The following RFC1 variants were observed in gnomAD, a reference collection of about 807,000 sequenced individuals.
RFC1 encodes replication factor C subunit 1.
Under a neutral mutation model 137.4 loss-of-function variants are expected in RFC1, and 37 were observed. The observed-to-expected ratio is 0.27, with a 90% CI of 0.21 to 0.35. The LOEUF (loss-of-function observed/expected upper bound fraction) is 0.35, where lower values mean the gene tolerates loss of function less well. RFC1 is among the 10% of genes least tolerant of loss of function. RFC1 has a pLI of 1.00. For missense variants in RFC1, 1,205 were observed against 1,358.5 expected (o/e 0.89, Z 1.78); for synonymous variants, 429 against 455.7 (o/e 0.94, Z 0.75).
chr4:39,350,021 C>A (rs1250176509), intron 2 of RFC1, among the ~76,000 whole-genome samples: 1 of 152,020 alleles, frequency 6.6e-6, no homozygotes, highest in African/African-American at 2.4e-5. Context: ...AAAACTAAAG[C>A]AGCTACTATA....
intron 1 of RFC1, among the ~76,000 whole-genome samples, chr4:39,356,907 C>T (rs913785670): frequency 2.6e-5 from 4 of 152,146 alleles, no homozygotes; most frequent in Non-Finnish European, 5.9e-5. Flanking sequence ...GTCTGAAAAA[C>T]TTTTGAACAG....
At chr4:39,294,731 G>A (rs186200517) in intron 22 of RFC1, among the ~76,000 whole-genome samples, 28 of 151,634 alleles carry the variant, frequency 1.8e-4, no homozygotes, top group Non-Finnish European at 3.4e-4. Flanking sequence ...GGCCAGGCAT[G>A]GCGGCTCACG....
In RFC1 at chr4:39,327,604, G is replaced by A. The variant is rs1344726050; in HGVS notation, c.484C>T (p.Pro162Ser). 1.2e-6 allele frequency: 2 copies of A among 1,613,612 alleles called. No homozygotes were observed. Among genetic ancestry groups the A allele is most frequent in the Admixed American group, 1.7e-5 (1 of 60,010 alleles). Residue 162 changes from proline to serine, a missense_variant, in exon 5 of 25, where the codon CCC becomes TCC. Pro to Ser is a moderately conservative substitution (Grantham distance 74). Transcript: ENST00000349703. Reference sequence around the variant, plus strand: ...CCAAAATAATCAAGTACTGATGTGGGTGTAAGTTTTATTGGTGATAAAGGC... The same window carrying A: ...CCAAAATAATCAAGTACTGATGTGGATGTAAGTTTTATTGGTGATAAAGGC... ...NKPLSPIKLT[P>S]TSVLDYFGTG...
chr4:39,303,193 A>G (rs766107816), intron 15 of RFC1, 42 bp from the exon 16 acceptor site: 12 of 1,340,512 alleles, frequency 9.0e-6, no homozygotes, highest in Non-Finnish European at 1.2e-5. Context: ...CAAAAACAAA[A>G]TAACAATTGC....
chr4:39,334,911 T>C (rs1406073609), intron 4 of RFC1, among the ~76,000 whole-genome samples: 4 of 152,226 alleles, frequency 2.6e-5, no homozygotes, highest in African/African-American at 7.2e-5. Flanking sequence ...CTGTGTTAGA[T>C]ACATTCATTT....
intron 22 of RFC1, among the ~76,000 whole-genome samples, chr4:39,293,935 T>A (rs915466445): frequency 1.3e-5 from 2 of 152,188 alleles, no homozygotes; most frequent in African/African-American, 4.8e-5. Flanking sequence ...CACCTGCATG[T>A]CTTGGCTGAT....
rs1560619877 is a variant in RFC1, at chr4:39,348,432, A to AGG, written c.132+2915_132+2916insCC. ...AGCAAGACTCTGTTTCAAAAAAGAA[A>AGG]AGAAAAGAAAAGAAAAGAAAAGAAA... is the stretch of plus-strand genomic sequence containing the variant. On this transcript the variant is annotated intron_variant, in intron 2 of 24. Coordinates refer to ENST00000349703, the MANE Select transcript of RFC1 (RefSeq NM_002913.5). Among the ~76,000 whole-genome samples, 5 of 85,734 alleles carry AGG rather than the reference A, an allele frequency of 5.8e-5. No individual in the cohort carries two copies. The East Asian group carries it at 1.6e-3, about 28-fold the overall frequency. The allele number at this position is 85,734 out of a possible 152,430, so 56.2% of individuals were successfully genotyped here.
At chr4:39,335,611 C>T (rs1274527601) in intron 4 of RFC1, among the ~76,000 whole-genome samples, 1 of 152,066 alleles carries the variant, frequency 6.6e-6, no homozygotes, top group African/African-American at 2.4e-5. Context: ...GTACCGAGTC[C>T]ACTGGAATGC....
intron 24 of RFC1, chr4:39,289,524 A>G (rs976005099): frequency 2.2e-5 from 5 of 231,264 alleles, no homozygotes; most frequent in Non-Finnish European, 3.4e-5. Context: ...GCAAAACATA[A>G]GCAACAGAAG....
At chr4:39,359,619 G>A (rs559504845) in intron 1 of RFC1, among the ~76,000 whole-genome samples, 292 of 152,070 alleles carry the variant, frequency 1.9e-3, no homozygotes, top group Non-Finnish European at 3.0e-3. Context: ...TCAGGAGATC[G>A]AGACCATCAT....
chr4:39,325,826 C>A (rs1161935337), intron 6 of RFC1, among the ~76,000 whole-genome samples: 2 of 152,218 alleles, frequency 1.3e-5, no homozygotes, highest in African/African-American at 4.8e-5. Flanking sequence ...ATTCAGTCTG[C>A]AAACTGATCT....
In RFC1 at chr4:39,351,066, C is replaced by T. The variant is rs4974936; in HGVS notation, c.132+282G>A. On this transcript the variant is annotated intron_variant, in intron 2 of 24. Transcript: ENST00000349703. ...GAGATCGAGACCATCCTGGCTAACA[C>T]GGTGAAACCCCGTCTCTACTAAAAA... Among the ~76,000 whole-genome samples, 148,200 of 151,852 alleles carry T rather than the reference C, an allele frequency of 0.98. 72,411 individuals are homozygous for T. Among genetic ancestry groups the T allele is most frequent in the East Asian group, 1 (5,164 of 5,166 alleles).
intron 21 of RFC1, among the ~76,000 whole-genome samples, chr4:39,299,711 A>G (rs73238566): frequency 4.3e-4 from 65 of 152,104 alleles, no homozygotes; most frequent in Non-Finnish European, 8.2e-4. Context: ...GTAACAGACT[A>G]TATTTTTGCC....
rs763031043 is a variant in RFC1, at chr4:39,320,364, A to C, written c.1095+19T>G. The C allele has an allele frequency of 7.4e-6, 11 of 1,484,010 alleles. No homozygotes were observed. Among genetic ancestry groups the C allele is most frequent in the African/African-American group, 2.9e-5 (2 of 69,096 alleles). 91.9% of individuals were successfully genotyped at this position (1,484,010 alleles called of 1,614,324 possible). On this transcript the variant is annotated intron_variant, in intron 9 of 24. Transcript: ENST00000349703. ...AACTCCATCTCAAAAAAAAAAAAAA[A>C]AAAAAACAAAGTTCTTACCTCTTTT...
chr4:39,294,938 G>A (rs1203808402), intron 22 of RFC1, among the ~76,000 whole-genome samples: 1 of 152,210 alleles, frequency 6.6e-6, no homozygotes, highest in African/African-American at 2.4e-5. Flanking sequence ...CGGAGGTGGA[G>A]GATGCAGTGA....
chr4:39,296,256 T>C (rs1425713994), intron 21 of RFC1, among the ~76,000 whole-genome samples: 1 of 151,012 alleles, frequency 6.6e-6, no homozygotes, highest in African/African-American at 2.4e-5. Context: ...TTTTCTTTTT[T>C]TTTTTTTTAT....
At chr4:39,300,862 G>C (rs563039505) in intron 19 of RFC1, among the ~76,000 whole-genome samples, 2 of 152,170 alleles carry the variant, frequency 1.3e-5, no homozygotes, top group Non-Finnish European at 2.9e-5. Flanking sequence ...GGGAGGCTGA[G>C]GTGGGCGGAT....
At chr4:39,330,659 A>C (rs1740049562) in intron 4 of RFC1, among the ~76,000 whole-genome samples, 1 of 152,222 alleles carries the variant, frequency 6.6e-6, no homozygotes, top group African/African-American at 2.4e-5. Flanking sequence ...CAATGAGATA[A>C]GTTAGCAGGC....
chr4:39,360,948 G>A (rs185809590), intron 1 of RFC1, among the ~76,000 whole-genome samples: 4 of 152,186 alleles, frequency 2.6e-5, no homozygotes, highest in African/African-American at 9.6e-5. Context: ...GAGCAGAAAT[G>A]GATTATCATC....
Sources: allele counts gnomAD v4.1 joint callset (sites outside exome capture counted in the v4.1 genomes callset), GRCh38; gene constraint gnomAD v4.1.1; transcripts MANE v1.5; gene names NCBI Gene and HGNC (gene_info 2026-07-23, HGNC 2026-07-21).